The following CUX1 variants were observed in gnomAD, a reference collection of about 807,000 sequenced individuals.
The protein encoded by CUX1 is protein CASP.
CUX1 carries 31 observed loss-of-function variants against 158.8 expected under a neutral mutation model. The observed-to-expected ratio is 0.20, with a 90% CI of 0.15 to 0.26. The LOEUF (loss-of-function observed/expected upper bound fraction) is 0.26, where lower values mean the gene tolerates loss of function less well. Ranked by LOEUF, CUX1 falls within the 10% of genes least tolerant of loss-of-function variation. CUX1 has a pLI of 1.00. For synonymous variants in CUX1, 879 were observed against 862.1 expected (o/e 1.02, Z -0.34); for missense variants, 1,589 against 2,014.6 (o/e 0.79, Z 4.04).
At chr7:102,227,239 C>A in intron 20 of CUX1, 128 bp from the exon 21 acceptor site, 1 of 797,294 alleles carries the variant, frequency 1.3e-6, no homozygotes, top group Non-Finnish European at 2.0e-6. Context: ...CACTAAGACC[C>A]ACAGAAAACC....
intron 2 of CUX1, among the ~76,000 whole-genome samples, chr7:102,012,321 G>A (rs1386918613): frequency 6.6e-6 from 1 of 151,646 alleles, no homozygotes; most frequent in Non-Finnish European, 1.5e-5. Context: ...CCAAGTAGCT[G>A]GGACTATAGG....
intron 2 of CUX1, among the ~76,000 whole-genome samples, chr7:101,969,899 A>G (rs1304786859): frequency 6.7e-6 from 1 of 148,794 alleles, no homozygotes; most frequent in African/African-American, 2.5e-5. Flanking sequence ...TCTTGCCCCA[A>G]CGCGTATCAG....
chr7:102,008,187 C>CCACCCGCCTCTCAGGCCATGTCTGGGTT (rs1817599017), intron 2 of CUX1, among the ~76,000 whole-genome samples: 1 of 152,224 alleles, frequency 6.6e-6, no homozygotes, highest in Non-Finnish European at 1.5e-5. Context: ...TGGTGGCCGT[C>CCACCCGCCTCTCAGGCCATGTCTGGGTT]CACCCGCCTC....
At chr7:102,195,969 T>G (rs1226034293) in intron 14 of CUX1, among the ~76,000 whole-genome samples, 1 of 152,048 alleles carries the variant, frequency 6.6e-6, no homozygotes, top group East Asian at 1.9e-4. Flanking sequence ...TCTGGTGGTG[T>G]TTTCAGGGAC....
At chr7:102,117,658 G>C (rs782188691) in intron 8 of CUX1, among the ~76,000 whole-genome samples, 24 of 152,294 alleles carry the variant, frequency 1.6e-4, no homozygotes, top group Non-Finnish European at 3.1e-4. Flanking sequence ...GAAGGGCATA[G>C]TACATCCCTA....
At chr7:102,208,392 C>T (rs975687251) in intron 20 of CUX1, among the ~76,000 whole-genome samples, 1 of 152,148 alleles carries the variant, frequency 6.6e-6, no homozygotes, top group Non-Finnish European at 1.5e-5. Context: ...TACAGGCATG[C>T]GCCAGCACAC....
intron 1 of CUX1, among the ~76,000 whole-genome samples, chr7:101,839,245 C>G (rs1290837912): frequency 6.6e-6 from 1 of 152,184 alleles, no homozygotes; most frequent in Non-Finnish European, 1.5e-5. Flanking sequence ...AGCACCCTAG[C>G]TCACACGTCC....
chr7:101,975,558 A>C (rs1812563915), intron 2 of CUX1, among the ~76,000 whole-genome samples: 1 of 151,992 alleles, frequency 6.6e-6, no homozygotes, highest in African/African-American at 2.4e-5. Flanking sequence ...CCCGTCTCTA[A>C]AAGAAAAAAG....
At position 102,104,441 on chromosome 7, in the gene CUX1, A is replaced by G. The variant is rs767604852; in HGVS notation, c.512A>G (p.Asp171Gly). 6.2e-7 allele frequency: 1 copy of G among 1,613,342 alleles called. No homozygotes were observed. The highest frequency in any genetic ancestry group is 8.5e-7 in the Non-Finnish European group (1 of 1,179,768). Residue 171 changes from aspartate to glycine, a missense_variant, in exon 6 of 24, where the codon GAC becomes GGC. Physicochemically the swap from Asp to Gly is moderately conservative, Grantham distance 94. Coordinates refer to ENST00000292535, the MANE Select transcript of CUX1 (RefSeq NM_181552.4). Reference protein sequence around the residue: ...ALEKEQKLQNDFAEKERKLQE... With the variant: ...ALEKEQKLQNGFAEKERKLQE... ...GAGAAGGAACAGAAGTTACAGAATGACTTTGCAGAAAAGGAGAGGTGAGCA... is the reference window on the plus strand; with the variant it reads ...GAGAAGGAACAGAAGTTACAGAATGGCTTTGCAGAAAAGGAGAGGTGAGCA...
chr7:102,180,549 C>T (rs760355476), intron 11 of CUX1, among the ~76,000 whole-genome samples: 20 of 151,590 alleles, frequency 1.3e-4, no homozygotes, highest in Non-Finnish European at 8.8e-5. Context: ...TGGTCTGGGA[C>T]GCCTGGGCTC....
At chr7:101,983,454 G>A (rs149678341) in intron 2 of CUX1, among the ~76,000 whole-genome samples, 4 of 152,194 alleles carry the variant, frequency 2.6e-5, no homozygotes, top group Admixed American at 2.6e-4. Flanking sequence ...GGTGCCCTGG[G>A]CCCATGGCCA....
intron 1 of CUX1, among the ~76,000 whole-genome samples, chr7:101,883,775 T>C (rs1233957099): frequency 6.6e-6 from 1 of 152,098 alleles, no homozygotes; most frequent in Non-Finnish European, 1.5e-5. Context: ...TTTGTATTTT[T>C]AGTAGAGATG....
At chr7:101,821,548 C>T (rs1170689364) in intron 1 of CUX1, among the ~76,000 whole-genome samples, 1 of 151,142 alleles carries the variant, frequency 6.6e-6, no homozygotes, top group Non-Finnish European at 1.5e-5. Context: ...CCGTGTTAGC[C>T]CGGATGGTCT....
At chr7:102,127,965 G>A (rs1168575838) in intron 8 of CUX1, among the ~76,000 whole-genome samples, 1 of 152,078 alleles carries the variant, frequency 6.6e-6, no homozygotes, top group African/African-American at 2.4e-5. Flanking sequence ...CTTCTGCCTC[G>A]GCCTCCTGAG....
At chr7:102,044,666 T>TC (rs1291350360) in intron 3 of CUX1, among the ~76,000 whole-genome samples, 2 of 152,166 alleles carry the variant, frequency 1.3e-5, no homozygotes, top group African/African-American at 4.8e-5. Context: ...TAGCTGAATT[T>TC]CCCCCTGCTT....
intron 2 of CUX1, among the ~76,000 whole-genome samples, chr7:101,950,071 C>G (rs977299392): frequency 6.6e-6 from 1 of 152,048 alleles, no homozygotes; most frequent in African/African-American, 2.4e-5. Flanking sequence ...GCAATGCTGG[C>G]GCGATCTCAG....
chr7:101,982,628 T>C (rs1237507633), intron 2 of CUX1, among the ~76,000 whole-genome samples: 1 of 152,050 alleles, frequency 6.6e-6, no homozygotes, highest in Non-Finnish European at 1.5e-5. Flanking sequence ...GGTTTCACCA[T>C]GTTGGTTAGG....
intron 6 of CUX1, among the ~76,000 whole-genome samples, chr7:102,106,340 G>T (rs201488): frequency 2.0e-5 from 3 of 151,776 alleles, no homozygotes; most frequent in South Asian, 4.2e-4. Context: ...TGCCCGCCTC[G>T]GCCTCCCAAA....
At position 101,948,857 on chromosome 7, in the gene CUX1, G is replaced by C. The variant is rs139580229; in HGVS notation, c.141+32632G>C. Among the ~76,000 whole-genome samples, 48 of 152,318 alleles carry C rather than the reference G, an allele frequency of 3.2e-4. No individual in the cohort carries two copies. The East Asian group carries it at 8.7e-3, about 28-fold the overall frequency. On this transcript the variant is annotated intron_variant, in intron 2 of 23. Transcript: ENST00000292535. Reference sequence around the variant, plus strand: ...TGTACATTTTGTTCTCTTTTCAGCAGAGAAATCTCAGGAGGCACCATGCCA... The same window carrying C: ...TGTACATTTTGTTCTCTTTTCAGCACAGAAATCTCAGGAGGCACCATGCCA...
Sources: allele counts gnomAD v4.1 joint callset (sites outside exome capture counted in the v4.1 genomes callset), GRCh38; gene constraint gnomAD v4.1.1; transcripts MANE v1.5; gene names NCBI Gene and HGNC (gene_info 2026-07-23, HGNC 2026-07-21).